NHEJ1: variants seen among roughly 807,000 people sequenced by gnomAD.
NHEJ1 encodes the protein non-homologous end-joining factor 1.
In NHEJ1, 22 loss-of-function variants were observed where a neutral mutation model predicts 39.4. The ratio of observed to expected loss-of-function variants is 0.56; its 90% CI spans 0.40 to 0.80. NHEJ1 has a LOEUF of 0.80. NHEJ1 is among the 30% of genes least tolerant of loss of function. The pLI is 0.00. For synonymous variants in NHEJ1, 154 were observed against 135.6 expected (o/e 1.14, Z -0.94); for missense variants, 329 against 357.1 (o/e 0.92, Z 0.63).
chr2:219,102,609 T>G (rs1949273117), intron 5 of NHEJ1: 1 of 150,984 alleles, frequency 6.6e-6, no homozygotes, highest in South Asian at 2.1e-4. Context: ...TAAGGAAGGG[T>G]GAACCAACAC....
intron 5 of NHEJ1, among the ~76,000 whole-genome samples, chr2:219,107,877 C>T (rs898052292): frequency 2.0e-5 from 3 of 152,084 alleles, no homozygotes; most frequent in Non-Finnish European, 4.4e-5. Flanking sequence ...CTTACAGCCC[C>T]ACCCTCCTCC....
chr2:219,091,289 C>T (rs1404878149), intron 5 of NHEJ1, among the ~76,000 whole-genome samples: 1 of 152,054 alleles, frequency 6.6e-6, no homozygotes, highest in African/African-American at 2.4e-5. Flanking sequence ...TTCTTTTTTC[C>T]GCAGTCCTAG....
intron 5 of NHEJ1, among the ~76,000 whole-genome samples, chr2:219,144,544 G>A (rs6744858): frequency 0.019 from 2,923 of 152,192 alleles, 100 homozygotes; most frequent in African/African-American, 0.066. Flanking sequence ...ATAGAAGTTT[G>A]CAAGTTAGAT....
At chr2:219,093,892 C>T (rs996751343) in intron 5 of NHEJ1, among the ~76,000 whole-genome samples, 10 of 152,164 alleles carry the variant, frequency 6.6e-5, no homozygotes, top group African/African-American at 2.2e-4. Context: ...AAGCACGGAA[C>T]GTGTGTGGAG....
intron 5 of NHEJ1, among the ~76,000 whole-genome samples, chr2:219,118,300 C>T (rs975578470): frequency 6.6e-6 from 1 of 152,180 alleles, no homozygotes. Context: ...AAATGTTGGG[C>T]TGCCCTACTA....
chr2:219,106,226 C>T (rs998113315), intron 5 of NHEJ1, among the ~76,000 whole-genome samples: 1 of 152,148 alleles, frequency 6.6e-6, no homozygotes, highest in African/African-American at 2.4e-5. Context: ...GGCTCCTGCG[C>T]CCAATGTCAG....
intron 5 of NHEJ1, among the ~76,000 whole-genome samples, chr2:219,127,166 T>A (rs1308991068): frequency 1.3e-5 from 2 of 152,142 alleles, no homozygotes; most frequent in Non-Finnish European, 2.9e-5. Context: ...GATCAGCAGG[T>A]TCCATTTGGC....
At chr2:219,136,868 G>A (rs1331691148) in intron 5 of NHEJ1, among the ~76,000 whole-genome samples, 1 of 152,094 alleles carries the variant, frequency 6.6e-6, no homozygotes, top group East Asian at 1.9e-4. Flanking sequence ...CTCCCAAAGT[G>A]CTGGGATTAC....
In NHEJ1 at chr2:219,071,493, C is replaced by T. The variant is rs928043575; in HGVS notation, c.*4888G>A. 2.6e-5 allele frequency among the ~76,000 whole-genome samples: 4 copies of T among 152,268 alleles called. No individual in the cohort carries two copies. Among genetic ancestry groups the T allele is most frequent in the Admixed American group, 2.0e-4 (3 of 15,286 alleles). On this transcript the variant is annotated 3_prime_UTR_variant, in exon 8 of 8. Transcript: ENST00000356853. ...GATTAACCATGTTAGACAACAATGC[C>T]GAGCTGGGATGGGCTTCCCCTTCCA...
At chr2:219,086,877 T>C (rs1949116418) in intron 5 of NHEJ1, among the ~76,000 whole-genome samples, 1 of 152,124 alleles carries the variant, frequency 6.6e-6, no homozygotes, top group Admixed American at 6.5e-5. Context: ...GCTTGCTCTA[T>C]AACCACCCCC....
chr2:219,147,135 T>G (rs1432647274), intron 4 of NHEJ1, among the ~76,000 whole-genome samples: 1 of 152,210 alleles, frequency 6.6e-6, no homozygotes, highest in Non-Finnish European at 1.5e-5. Flanking sequence ...TGGACTCGGT[T>G]ACAGCTTCTA....
At chr2:219,142,322 T>C (rs1383477615) in intron 5 of NHEJ1, among the ~76,000 whole-genome samples, 2 of 152,152 alleles carry the variant, frequency 1.3e-5, no homozygotes, top group Non-Finnish European at 2.9e-5. Context: ...CAGGTTTTGG[T>C]GTCAAGGGCT....
At chr2:219,136,255 G>GTCTTTC (rs1949626620) in intron 5 of NHEJ1, among the ~76,000 whole-genome samples, 1 of 147,548 alleles carries the variant, frequency 6.8e-6, no homozygotes. Flanking sequence ...CTGAGACAGT[G>GTCTTTC]TCTTTCTCAT....
At chr2:219,120,309 C>T (rs997509069) in intron 5 of NHEJ1, among the ~76,000 whole-genome samples, 3 of 152,150 alleles carry the variant, frequency 2.0e-5, no homozygotes, top group Middle Eastern at 3.2e-3. Context: ...CTCAGAAAGG[C>T]TACATTCTAG....
rs764242266 is a variant in NHEJ1 at position 219,157,473 on chromosome 2, A to C, written c.389T>G (p.Leu130Arg). The C allele has an allele frequency of 2.5e-6, 4 of 1,613,046 alleles. No homozygotes were observed. In the South Asian group the frequency reaches 3.3e-5, roughly 13 times the overall value. The change falls in exon 3 of 8, where the codon CTG becomes CGG. Residue 130 changes from leucine to arginine, a missense_variant and splice_region_variant. Transcript: ENST00000356853. ...ACCCCACATTCGAATTACACTTACC[A>C]GGGAAGGACTAGCTAGCATGCAGTG... ...NFHCMLASPS[L>R]VSQHLIRPLM...
At chr2:219,130,133 A>T (rs1316437821) in intron 5 of NHEJ1, among the ~76,000 whole-genome samples, 1 of 151,904 alleles carries the variant, frequency 6.6e-6, no homozygotes, top group African/African-American at 2.4e-5. Flanking sequence ...CAGGCTTTTA[A>T]TGATATGCAT....
At chr2:219,127,677 G>T (rs1267268995) in intron 5 of NHEJ1, among the ~76,000 whole-genome samples, 1 of 152,206 alleles carries the variant, frequency 6.6e-6, no homozygotes. Context: ...GACCAAACAG[G>T]TGATCAATCT....
chr2:219,145,673 C>A (rs1949732517), intron 5 of NHEJ1, among the ~76,000 whole-genome samples: 1 of 151,996 alleles, frequency 6.6e-6, no homozygotes, highest in Non-Finnish European at 1.5e-5. Flanking sequence ...GTGGCTCACA[C>A]TTGTAATCCC....
intron 5 of NHEJ1, among the ~76,000 whole-genome samples, chr2:219,088,898 C>T (rs945927594): frequency 8.5e-5 from 13 of 152,124 alleles, no homozygotes; most frequent in South Asian, 6.2e-4. Context: ...CCACAAGCTC[C>T]GCCTCCCAGG....
Sources: allele counts gnomAD v4.1 joint callset (sites outside exome capture counted in the v4.1 genomes callset), GRCh38; gene constraint gnomAD v4.1.1; transcripts MANE v1.5; gene names NCBI Gene and HGNC (gene_info 2026-07-23, HGNC 2026-07-21).